Variants in WWTR1 observed in about 807,000 individuals in gnomAD.
The protein encoded by WWTR1 is WW domain-containing transcription regulator protein 1.
WWTR1 carries 13 observed loss-of-function variants against 40.1 expected under a neutral mutation model. The ratio of observed to expected loss-of-function variants is 0.32; its 90% confidence interval spans 0.21 to 0.52. The LOEUF (loss-of-function observed/expected upper bound fraction) is 0.52. Among genes scored for constraint, WWTR1 ranks in the 20% least tolerant of loss-of-function variants. The pLI, the probability that WWTR1 is intolerant of heterozygous loss-of-function variation, is 0.97. For synonymous variants in WWTR1, 230 were observed against 210.1 expected, an observed-to-expected ratio of 1.09 and a Z score of -0.82; for missense variants, 436 against 523.1, an observed-to-expected ratio of 0.83 and a Z score of 1.63.
chr3:149,592,058 C>T (rs988005855), intron 2 of WWTR1, among the ~76,000 whole-genome samples: 2 of 152,238 alleles, frequency 1.3e-5, no homozygotes, highest in East Asian at 1.9e-4. Context: ...AGCTATGGGG[C>T]AAGGTAACCT....
At chr3:149,563,457 C>T (rs1422666956) in intron 3 of WWTR1, among the ~76,000 whole-genome samples, 1 of 152,162 alleles carries the variant, frequency 6.6e-6, no homozygotes, top group Admixed American at 6.5e-5. Flanking sequence ...TAATTTTCCT[C>T]CTCATTTTTG....
chr3:149,692,384 A>G (rs2108214456), intron 1 of WWTR1, among the ~76,000 whole-genome samples: 1 of 152,370 alleles, frequency 6.6e-6, no homozygotes, highest in East Asian at 1.9e-4. Context: ...TCATATCAAC[A>G]GAAGATAAAA....
intron 1 of WWTR1, among the ~76,000 whole-genome samples, chr3:149,673,424 A>C (rs982710660): frequency 6.6e-6 from 1 of 152,208 alleles, no homozygotes; most frequent in African/African-American, 2.4e-5. Context: ...CTCAGAAAAC[A>C]TTCCATTTAA....
chr3:149,712,244 C>G (rs1044171325), intron 5 of WWTR1, among the ~76,000 whole-genome samples: 1 of 152,138 alleles, frequency 6.6e-6, no homozygotes, highest in African/African-American at 2.4e-5. Context: ...TATGACCACA[C>G]CTGTGAATAG....
chr3:149,700,904 G>T (rs1355478889), intron 1 of WWTR1, among the ~76,000 whole-genome samples: 1 of 152,190 alleles, frequency 6.6e-6, no homozygotes, highest in African/African-American at 2.4e-5. Context: ...CAATACAACT[G>T]GTTAGCACCA....
intron 4 of WWTR1, among the ~76,000 whole-genome samples, chr3:149,536,947 T>C (rs189150264): frequency 3.3e-5 from 5 of 152,244 alleles, no homozygotes; most frequent in African/African-American, 9.6e-5. Context: ...CAAACCGTTA[T>C]ATTTAAATGA....
At chr3:149,642,457 A>C (rs1414448198) in intron 2 of WWTR1, among the ~76,000 whole-genome samples, 1 of 149,650 alleles carries the variant, frequency 6.7e-6, no homozygotes, top group African/African-American at 2.5e-5. Context: ...GAATACCCAA[A>C]TATAAGTTGG....
intron 5 of WWTR1, among the ~76,000 whole-genome samples, chr3:149,715,079 A>G (rs560937660): frequency 2.6e-5 from 4 of 152,314 alleles, no homozygotes; most frequent in East Asian, 1.9e-4. Flanking sequence ...CTGTTTCTCA[A>G]TAAAGCTCCT....
Position 149,621,100 on chromosome 3 carries a change from A to G in WWTR1, c.431+35776T>C, listed in dbSNP as rs190474764. The stretch of plus-strand genomic sequence containing the variant: ...AGGGTCCTGAAAATGTCACAGAATA[A>G]CATGCTTTTTCTACCTCAGCTTTTG... On this transcript the variant is annotated intron_variant, in intron 2 of 6. Transcript: ENST00000360632. Among the ~76,000 whole-genome samples the G allele has an allele frequency of 4.6e-3, 696 of 152,326 alleles. 5 individuals carry two copies. The highest frequency in any genetic ancestry group is 7.8e-3 in the Non-Finnish European group (530 of 68,028).
At position 149,624,433 on chromosome 3, in the gene WWTR1, C is replaced by A. The variant is rs574565568; in HGVS notation, c.431+32443G>T. On this transcript the variant is annotated intron_variant, in intron 2 of 6. Coordinates refer to ENST00000360632, the MANE Select transcript of WWTR1 (RefSeq NM_015472.6). ...CTAGTGTGAGCTAGACCTCTGTCAT[C>A]TTCAGCTGGAACAGTCCTGACTAGT... Among the ~76,000 whole-genome samples the A allele has an allele frequency of 2.0e-5, 3 of 152,358 alleles. No individual in the cohort carries two copies. In the South Asian group the frequency reaches 6.2e-4, roughly 32 times the overall value.
At chr3:149,670,412 G>T (rs778568312) in intron 1 of WWTR1, among the ~76,000 whole-genome samples, 5 of 152,088 alleles carry the variant, frequency 3.3e-5, no homozygotes, top group African/African-American at 4.8e-5. Context: ...TGGTCTTGAG[G>T]CCATAACTGC....
intron 1 of WWTR1, among the ~76,000 whole-genome samples, chr3:149,688,240 G>T (rs1714714752): frequency 6.6e-6 from 1 of 152,028 alleles, no homozygotes; most frequent in East Asian, 1.9e-4. Context: ...AGCCTGGCAG[G>T]ATTCATCACC....
At chr3:149,623,169 C>A (rs1401833159) in intron 2 of WWTR1, among the ~76,000 whole-genome samples, 2 of 152,140 alleles carry the variant, frequency 1.3e-5, no homozygotes, top group Non-Finnish European at 2.9e-5. Context: ...TGAGACCAGC[C>A]TGACCAACAT....
intron 3 of WWTR1, among the ~76,000 whole-genome samples, chr3:149,549,879 A>T (rs563710253): frequency 2.6e-5 from 4 of 152,192 alleles, no homozygotes; most frequent in African/African-American, 9.6e-5. Flanking sequence ...ACAAAACAAA[A>T]AGGTAATTTG....
At chr3:149,703,867 A>T (rs1054405464), upstream of WWTR1, among the ~76,000 whole-genome samples, 4 of 152,212 alleles carry the variant, frequency 2.6e-5, no homozygotes, top group African/African-American at 9.6e-5. Flanking sequence ...TCCCCATCAG[A>T]AGCAGATGCT....
At chr3:149,706,855 A>G (rs1458173290), upstream of WWTR1, among the ~76,000 whole-genome samples, 1 of 152,182 alleles carries the variant, frequency 6.6e-6, no homozygotes, top group African/African-American at 2.4e-5. Context: ...ACAAAGCAGC[A>G]ATATTTCAGT....
Position 149,518,591 on chromosome 3 carries a change from G to C in WWTR1, c.*2214C>G, listed in dbSNP as rs1310816717. 6.6e-6 allele frequency: 1 copy of C among 152,044 alleles called. No individual in the cohort carries two copies. The highest frequency in any genetic ancestry group is 2.4e-5 in the African/African-American group (1 of 41,400). The allele number at this position is 152,044 out of a possible 1,614,324, so 9.4% of individuals were successfully genotyped here. A position where few individuals can be genotyped will look rare whatever the true frequency, so the allele number is the denominator to read the frequency against. On this transcript the variant is annotated 3_prime_UTR_variant, in exon 7 of 7. Transcript: ENST00000360632. The stretch of plus-strand genomic sequence containing the variant: ...ATCTTCATCTCTCTCAGAGGGCTTA[G>C]GGAGAGTGAAAGGAATTAGAGGAAC...
chr3:149,536,906 T>C (rs963109389), intron 4 of WWTR1, among the ~76,000 whole-genome samples: 1 of 152,132 alleles, frequency 6.6e-6, no homozygotes, highest in African/African-American at 2.4e-5. Context: ...GTCCTGGTCC[T>C]CGAGGTTAAA....
chr3:149,575,911 A>G (rs1737854543), intron 2 of WWTR1: 2 of 453,120 alleles, frequency 4.4e-6, no homozygotes, highest in South Asian at 3.1e-5. Flanking sequence ...CATGGCTTGA[A>G]GTCCCAGCAC....
Sources: gnomAD v4.1 joint callset for allele counts (sites outside exome capture counted in the v4.1 genomes callset) on GRCh38, gnomAD v4.1.1 for gene constraint, MANE v1.5 for transcripts, NCBI Gene and HGNC (gene_info 2026-07-23, HGNC 2026-07-21) for gene names.